PLCB1: variants seen among roughly 807,000 people sequenced by gnomAD.
PLCB1 encodes 1-phosphatidylinositol 4,5-bisphosphate phosphodiesterase beta-1.
PLCB1 carries 46 observed loss-of-function variants against 161.8 expected under a neutral mutation model. The ratio of observed to expected loss-of-function variants is 0.28; its 90% CI spans 0.22 to 0.36. The LOEUF is 0.36. Ranked by LOEUF, PLCB1 falls within the 10% of genes least tolerant of loss-of-function variation. The probability of loss-of-function intolerance (pLI) is 1.00; values close to 1 mark genes in which losing one functional copy is unlikely to be tolerated. For missense variants in PLCB1, 1,016 were observed against 1,472.5 expected, an observed-to-expected ratio of 0.69 and a Z score of 5.07; for synonymous variants, 517 against 503.7, an observed-to-expected ratio of 1.03 and a Z score of -0.35.
intron 26 of PLCB1, among the ~76,000 whole-genome samples, chr20:8,767,807 A>T (rs556215430): frequency 9.2e-5 from 14 of 152,274 alleles, no homozygotes; most frequent in Middle Eastern, 3.4e-3. Flanking sequence ...GTTTCCTAGG[A>T]TTGCTGTAAA....
At chr20:8,156,183 G>T (rs752850702) in intron 2 of PLCB1, among the ~76,000 whole-genome samples, 1 of 152,200 alleles carries the variant, frequency 6.6e-6, no homozygotes, top group Non-Finnish European at 1.5e-5. Context: ...CTGCCCAGAA[G>T]TTCCTGGCAA....
intron 2 of PLCB1, among the ~76,000 whole-genome samples, chr20:8,339,894 G>A (rs979450990): frequency 2.6e-5 from 4 of 152,056 alleles, no homozygotes; most frequent in African/African-American, 9.7e-5. Context: ...GCTTGAGGTC[G>A]GGAGTTCAAG....
chr20:8,286,721 G>A (rs945319125), intron 2 of PLCB1, among the ~76,000 whole-genome samples: 3 of 152,240 alleles, frequency 2.0e-5, no homozygotes, highest in South Asian at 2.1e-4. Flanking sequence ...CTTTCTAAGC[G>A]CTGTCCTTCA....
chr20:8,577,304 G>A (rs964491140), intron 3 of PLCB1, among the ~76,000 whole-genome samples: 1 of 151,396 alleles, frequency 6.6e-6, no homozygotes, highest in African/African-American at 2.4e-5. Context: ...TGGGCGTGGT[G>A]GCGGGCACCT....
chr20:8,809,557 G>A (rs1451370358), intron 31 of PLCB1, among the ~76,000 whole-genome samples: 1 of 151,988 alleles, frequency 6.6e-6, no homozygotes, highest in Non-Finnish European at 1.5e-5. Flanking sequence ...TCATTTTCCA[G>A]GAGAGCCGTA....
intron 3 of PLCB1, among the ~76,000 whole-genome samples, chr20:8,557,019 A>AT (rs1334851601): frequency 1.6e-5 from 2 of 126,652 alleles, no homozygotes; most frequent in Non-Finnish European, 3.2e-5. Flanking sequence ...AATAAAATAA[A>AT]TAAAAAAAAT....
At chr20:8,564,219 A>G (rs1986247519) in intron 3 of PLCB1, among the ~76,000 whole-genome samples, 1 of 152,180 alleles carries the variant, frequency 6.6e-6, no homozygotes, top group South Asian at 2.1e-4. Flanking sequence ...AAACCTTACA[A>G]AAACAAGCAA....
chr20:8,335,890 T>G (rs1459041448), intron 2 of PLCB1, among the ~76,000 whole-genome samples: 2 of 152,194 alleles, frequency 1.3e-5, no homozygotes, highest in Non-Finnish European at 2.9e-5. Flanking sequence ...AAAGGACTTC[T>G]GGAGAATAGC....
intron 26 of PLCB1, among the ~76,000 whole-genome samples, chr20:8,772,382 G>A (rs1982733487): frequency 2.0e-5 from 3 of 152,216 alleles, no homozygotes; most frequent in Admixed American, 2.0e-4. Flanking sequence ...GAGCACAGGT[G>A]TTGCCCTTCT....
intron 2 of PLCB1, among the ~76,000 whole-genome samples, chr20:8,360,914 C>A (rs1986518255): frequency 6.6e-6 from 1 of 152,134 alleles, no homozygotes; most frequent in South Asian, 2.1e-4. Flanking sequence ...GAATAAATAA[C>A]TGGAGAAAAT....
chr20:8,632,967 C>T (rs964568113), intron 4 of PLCB1, among the ~76,000 whole-genome samples: 2 of 151,804 alleles, frequency 1.3e-5, no homozygotes, highest in Admixed American at 6.6e-5. Flanking sequence ...CATAATGGAC[C>T]GCATGGGGGA....
intron 29 of PLCB1, among the ~76,000 whole-genome samples, chr20:8,789,061 G>T (rs1227369325): frequency 6.6e-6 from 1 of 152,182 alleles, no homozygotes; most frequent in African/African-American, 2.4e-5. Flanking sequence ...TTTGTCCAAA[G>T]GCTGGCAGAT....
intron 3 of PLCB1, among the ~76,000 whole-genome samples, chr20:8,529,976 A>G (rs1052009945): frequency 6.6e-6 from 1 of 152,132 alleles, no homozygotes; most frequent in African/African-American, 2.4e-5. Context: ...TTATCTTCCC[A>G]TCAGGAGTGG....
At chr20:8,134,513 G>T (rs1204692298) in intron 1 of PLCB1, among the ~76,000 whole-genome samples, 1 of 152,132 alleles carries the variant, frequency 6.6e-6, no homozygotes, top group Non-Finnish European at 1.5e-5. Flanking sequence ...ACACATTTTG[G>T]TATATCCAGG....
At chr20:8,744,641 A>AAAATAAAATAAAATAAAATG in intron 23 of PLCB1, among the ~76,000 whole-genome samples, 1 of 149,376 alleles carries the variant, frequency 6.7e-6, no homozygotes, top group Non-Finnish European at 1.5e-5. Context: ...AAAATAAAAT[A>AAAATAAAATAAAATAAAATG]AAATAAAATA....
intron 10 of PLCB1, among the ~76,000 whole-genome samples, chr20:8,695,758 A>G (rs1426387035): frequency 6.6e-6 from 1 of 152,250 alleles, no homozygotes; most frequent in African/African-American, 2.4e-5. Context: ...CAAAGAAAAT[A>G]TTTAATAGGG....
At chr20:8,322,089 C>T (rs1000222834) in intron 2 of PLCB1, among the ~76,000 whole-genome samples, 3 of 152,100 alleles carry the variant, frequency 2.0e-5, no homozygotes, top group South Asian at 2.1e-4. Context: ...CTAGAATTCC[C>T]CAGCAGAACT....
intron 3 of PLCB1, among the ~76,000 whole-genome samples, chr20:8,414,890 T>C (rs1365006942): frequency 6.6e-6 from 1 of 152,110 alleles, no homozygotes; most frequent in Non-Finnish European, 1.5e-5. Context: ...ATTAGAAATA[T>C]AGCATCTTGG....
At chr20:8,632,091 T>C (rs893842584) in intron 4 of PLCB1, among the ~76,000 whole-genome samples, 1 of 132,952 alleles carries the variant, frequency 7.5e-6, no homozygotes, top group South Asian at 2.5e-4. Context: ...GGTAAGACTT[T>C]GTTGCAAATA....
Sources: gnomAD v4.1 joint callset for allele counts (sites outside exome capture counted in the v4.1 genomes callset) on GRCh38, gnomAD v4.1.1 for gene constraint, MANE v1.5 for transcripts, NCBI Gene and HGNC (gene_info 2026-07-23, HGNC 2026-07-21) for gene names.